The following ZNF324B variants were observed in gnomAD, a reference collection of about 807,000 sequenced individuals.
ZNF324B encodes the protein zinc finger protein 324B.
ZNF324B carries 7 observed loss-of-function variants against 10.6 expected under a neutral mutation model. The ratio of observed to expected loss-of-function variants is 0.66; its 90% CI spans 0.38 to 1.24. ZNF324B has a LOEUF of 1.24. Ranked by LOEUF, ZNF324B falls within the 50% of genes most tolerant of loss-of-function variation. The probability of loss-of-function intolerance (pLI) is 0.02; values close to 1 mark genes in which losing one functional copy is unlikely to be tolerated. For synonymous variants in ZNF324B, 316 were observed against 321.0 expected, an observed-to-expected ratio of 0.98 and a Z score of 0.17; for missense variants, 640 against 764.7, an observed-to-expected ratio of 0.84 and a Z score of 1.92.
At chr19:58,433,001 C>A in the ZNF324B span, 1 of 331,110 alleles carries the variant, frequency 3.0e-6, no homozygotes, top group Non-Finnish European at 5.5e-6. Flanking sequence ...CAACCAGCAT[C>A]GGTTCAGCTG....
rs748509380 is a variant in ZNF324B at position 58,456,189 on chromosome 19, C to G, written c.1245C>G (p.His415Gln). The change falls in exon 4 of 4, where the codon CAC becomes CAG. Residue 415 changes from histidine to glutamine, a missense_variant. Coordinates refer to ENST00000336614, the MANE Select transcript of ZNF324B (RefSeq NM_207395.3). The surrounding 1 kb of genome is among the most constrained non-coding windows in gnomAD (Gnocchi z 4.7). Reference protein sequence around the residue: ...AFSQGSSLFLHQRVHTGEKPF... With the variant: ...AFSQGSSLFLQQRVHTGEKPF... ...GCCAGGGCTCCTCGCTCTTTTTGCA[C>G]CAGCGCGTGCACACAGGCGAGAAGC... The G allele has an allele frequency of 4.3e-6, 7 of 1,613,246 alleles. No homozygotes were observed. The South Asian group carries it at 4.4e-5, about 10-fold the overall frequency.
intron 1 of ZNF324B, chr19:58,452,773 C>T: frequency 2.0e-6 from 1 of 503,876 alleles, no homozygotes; most frequent in Non-Finnish European, 2.6e-6. Flanking sequence ...TGCGGAGTTA[C>T]AGCTTGAGGG....
chr19:58,449,929 C>T (rs75459810), upstream of ZNF324B, among the ~76,000 whole-genome samples: 7 of 152,170 alleles, frequency 4.6e-5, no homozygotes, highest in South Asian at 1.0e-3. Context: ...AATGTGAGCA[C>T]GAGATTTGGG....
the ZNF324B span, among the ~76,000 whole-genome samples, chr19:58,438,863 C>T: frequency 6.6e-6 from 1 of 151,978 alleles, no homozygotes; most frequent in Admixed American, 6.6e-5. Context: ...CTCCATCTCC[C>T]AGATTCAAAC....
the ZNF324B span, among the ~76,000 whole-genome samples, chr19:58,425,389 T>C: frequency 2.0e-5 from 3 of 151,284 alleles, no homozygotes; most frequent in South Asian, 6.3e-4. Flanking sequence ...CGACTGAACC[T>C]CTTTTCCTTA....
chr19:58,433,456 G>C, the ZNF324B span: 6 of 1,569,482 alleles, frequency 3.8e-6, no homozygotes, highest in South Asian at 7.0e-5. Context: ...TTCACTAAAG[G>C]CTTTTCCACA....
upstream of ZNF324B, among the ~76,000 whole-genome samples, chr19:58,450,608 C>G (rs1372541626): frequency 6.6e-6 from 1 of 152,034 alleles, no homozygotes; most frequent in Non-Finnish European, 1.5e-5. Flanking sequence ...CAAAAATTGT[C>G]GAGCTATCTT....
the ZNF324B span, among the ~76,000 whole-genome samples, chr19:58,439,154 C>A: frequency 2.0e-5 from 3 of 152,154 alleles, no homozygotes; most frequent in Admixed American, 2.0e-4. Flanking sequence ...GATTCAGAAG[C>A]CAACCATCTG....
At chr19:58,434,036 G>C in the ZNF324B span, 1 of 1,613,520 alleles carries the variant, frequency 6.2e-7, no homozygotes, top group Non-Finnish European at 8.5e-7. Context: ...TGGGAGCTTT[G>C]GCTGAAGTCT....
At chr19:58,433,075 A>T in the ZNF324B span, 1 of 540,224 alleles carries the variant, frequency 1.9e-6, no homozygotes. Context: ...TTCCCCATGC[A>T]TGAGGACAGG....
At chr19:58,443,375 C>G in the ZNF324B span, 1 of 152,274 alleles carries the variant, frequency 6.6e-6, no homozygotes, top group Non-Finnish European at 1.5e-5. Flanking sequence ...AGAAGCCCAG[C>G]CGGCTTCACT....
chr19:58,441,883 G>A, the ZNF324B span: 1 of 152,322 alleles, frequency 6.6e-6, no homozygotes, highest in Non-Finnish European at 1.5e-5. Context: ...CAAGAATGTG[G>A]GGCTCCTTAG....
Position 58,456,698 on chromosome 19 carries a change from CGAGGG to C in ZNF324B, c.*120_*124del. ...AAGCTCTGTGCCTGAGAGTCAGGGA[CGAGGG>C]AGACCCTTTGGCTGTGGTTCCATTT... On this transcript the variant is annotated 3_prime_UTR_variant, in exon 4 of 4. Transcript: ENST00000336614. This position sits in a 1 kb window ranked among gnomAD's most constrained non-coding sequence, Gnocchi z 4.7. 1 of 1,279,414 alleles carries C rather than the reference CGAGGG, an allele frequency of 7.8e-7. No individual in the cohort carries two copies. Among genetic ancestry groups the C allele is most frequent in the Non-Finnish European group, 1.1e-6 (1 of 942,484 alleles). 79.3% of individuals were successfully genotyped at this position (1,279,414 alleles called of 1,614,324 possible). A position where few individuals can be genotyped will look rare whatever the true frequency, so the allele number is the denominator to read the frequency against.
chr19:58,446,874 C>T (rs2052830320), upstream of ZNF324B, among the ~76,000 whole-genome samples: 1 of 151,860 alleles, frequency 6.6e-6, no homozygotes, highest in Non-Finnish European at 1.5e-5. Flanking sequence ...TGCACCCGAC[C>T]TCTCTCCTTT....
chr19:58,421,627 C>G, the ZNF324B span, among the ~76,000 whole-genome samples: 1 of 152,304 alleles, frequency 6.6e-6, no homozygotes, highest in South Asian at 2.1e-4. Flanking sequence ...GATCCGCCCA[C>G]CTCGGCCTCC....
the ZNF324B span, chr19:58,433,758 C>A: frequency 1.2e-6 from 2 of 1,614,090 alleles, no homozygotes; most frequent in South Asian, 1.1e-5. Context: ...TGTGAACTCT[C>A]CAGTGTTCAA....
the ZNF324B span, chr19:58,437,189 A>G: frequency 6.2e-7 from 1 of 1,609,416 alleles, no homozygotes; most frequent in Non-Finnish European, 8.5e-7. Context: ...ATGTGGGGAC[A>G]GCTGAGCCAC....
At chr19:58,422,819 A>G in the ZNF324B span, among the ~76,000 whole-genome samples, 3 of 152,320 alleles carry the variant, frequency 2.0e-5, no homozygotes, top group Admixed American at 2.0e-4. Flanking sequence ...AAATGATACA[A>G]ACAAATGGAA....
chr19:58,436,667 CAAAAAAAAAAAAAA>C, the ZNF324B span, among the ~76,000 whole-genome samples: 14 of 65,550 alleles, frequency 2.1e-4, no homozygotes, highest in Non-Finnish European at 2.8e-4. Flanking sequence ...GACTCCATCT[CAAAAAAAAAAAAAA>C]AAAAAAAAAA....
Sources: allele counts gnomAD v4.1 joint callset (sites outside exome capture counted in the v4.1 genomes callset), GRCh38; gene constraint gnomAD v4.1.1; non-coding constraint Gnocchi (gnomAD v3.1); transcripts MANE v1.5; gene names NCBI Gene and HGNC (gene_info 2026-07-23, HGNC 2026-07-21).